The following LANCL3 variants were observed in gnomAD, a reference collection of about 807,000 sequenced individuals.
LANCL3 encodes LanC like family member 3.
In LANCL3, 19 loss-of-function variants were observed where a neutral mutation model predicts 26.5. That is an observed-to-expected ratio of 0.72 (90% CI 0.50 to 1.05). The LOEUF (loss-of-function observed/expected upper bound fraction) is 1.05, where lower values mean the gene tolerates loss of function less well. Ranked by LOEUF, LANCL3 falls within the 50% of genes least tolerant of loss-of-function variation. LANCL3 has a pLI of 0.00. For synonymous variants in LANCL3, 160 were observed against 166.6 expected, an observed-to-expected ratio of 0.96 and a Z score of 0.30; for missense variants, 318 against 362.7, an observed-to-expected ratio of 0.88 and a Z score of 1.00.
chrX:37,580,072 A>C (rs1272505864), intron 1 of LANCL3, among the ~76,000 whole-genome samples: 3 of 111,980 alleles, frequency 2.7e-5, no homozygotes, highest in Admixed American at 1.9e-4. Flanking sequence ...TTTGGATTTG[A>C]GCGGTTCCCA....
At chrX:37,655,604 C>A in intron 1 of LANCL3, 84 bp from the exon 2 acceptor site, 1 of 832,484 alleles carries the variant, frequency 1.2e-6, no homozygotes, top group Non-Finnish European at 1.7e-6. Context: ...GGATATGATG[C>A]TAGACTTCTT....
At chrX:37,664,125 A>G (rs781831756) in intron 3 of LANCL3, among the ~76,000 whole-genome samples, 4 of 111,833 alleles carry the variant, frequency 3.6e-5, no homozygotes, top group Non-Finnish European at 5.6e-5. Flanking sequence ...GGAACTGGGA[A>G]ATGAGGCACT....
At chrX:37,648,266 C>T (rs1317546571) in intron 1 of LANCL3, among the ~76,000 whole-genome samples, 1 of 112,405 alleles carries the variant, frequency 8.9e-6, no homozygotes, top group African/African-American at 3.2e-5. Context: ...TCCAGATATA[C>T]AGTGTTGTCA....
At chrX:37,673,335 ATTTTG>A (rs1188420122) in intron 4 of LANCL3, among the ~76,000 whole-genome samples, 1 of 109,151 alleles carries the variant, frequency 9.2e-6, no homozygotes, top group Non-Finnish European at 1.9e-5. Context: ...ACTTCCTTTT[ATTTTG>A]TTATGTTCTA....
intron 1 of LANCL3, 90 bp from the exon 2 acceptor site, chrX:37,655,598 A>G (rs1926263253): frequency 2.7e-6 from 2 of 743,419 alleles, no homozygotes. Flanking sequence ...TTCTGTGGAT[A>G]TGATGCTAGA....
intron 1 of LANCL3, among the ~76,000 whole-genome samples, chrX:37,585,935 C>T (rs878959451): frequency 1.6e-3 from 179 of 111,641 alleles, no homozygotes; most frequent in Non-Finnish European, 2.6e-3. Context: ...TGGCTGGTAC[C>T]GGTTGTTCCT....
intron 1 of LANCL3, among the ~76,000 whole-genome samples, chrX:37,630,662 G>A (rs782563544): frequency 9.1e-6 from 1 of 109,353 alleles, no homozygotes; most frequent in Non-Finnish European, 1.9e-5. Flanking sequence ...TAGCATGAAG[G>A]GTTGTTGAAT....
At chrX:37,652,652 T>G (rs782618008) in intron 1 of LANCL3, among the ~76,000 whole-genome samples, 142 of 112,541 alleles carry the variant, frequency 1.3e-3, no homozygotes, top group African/African-American at 4.5e-3. Context: ...GAAGGCCTGA[T>G]GGCCAGGGAG....
rs1556439033 is a variant in LANCL3, at chrX:37,683,732, A to G, written c.*7919A>G. 6 of 111,971 alleles carry G rather than the reference A, an allele frequency of 5.4e-5. No individual in the cohort carries two copies. The allele number at this position is 111,971 out of a possible 1,213,427, so 9.2% of individuals were successfully genotyped here. On this transcript the variant is annotated 3_prime_UTR_variant, in exon 5 of 5. Transcript: ENST00000378619. ...GCCAGATATTTTACTATATCACAAA[A>G]TGTCATACTACTGTATTTTATAATA... is the stretch of plus-strand genomic sequence containing the variant.
At chrX:37,605,379 A>G (rs1924680889) in intron 1 of LANCL3, among the ~76,000 whole-genome samples, 1 of 111,962 alleles carries the variant, frequency 8.9e-6, no homozygotes, top group South Asian at 3.8e-4. Context: ...AACTTCTGAG[A>G]TTTCCTTCTT....
intron 1 of LANCL3, among the ~76,000 whole-genome samples, chrX:37,586,544 A>G (rs782748629): frequency 4.1e-4 from 46 of 111,060 alleles, no homozygotes; most frequent in Non-Finnish European, 7.2e-4. Context: ...TATTGCATTC[A>G]TTTCATCTTC....
intron 1 of LANCL3, among the ~76,000 whole-genome samples, chrX:37,598,919 C>T (rs1556419753): frequency 8.9e-6 from 1 of 112,479 alleles, no homozygotes; most frequent in Non-Finnish European, 1.9e-5. Flanking sequence ...ACGAGAGTCA[C>T]GTCCTACTGC....
At chrX:37,619,164 C>T (rs1272961978) in intron 1 of LANCL3, among the ~76,000 whole-genome samples, 1 of 111,610 alleles carries the variant, frequency 9.0e-6, no homozygotes, top group Non-Finnish European at 1.9e-5. Context: ...ATAATTCAAT[C>T]TTGTGCATGG....
chrX:37,572,034 C>T lies in LANCL3; in HGVS notation c.164C>T (p.Thr55Met), dbSNP rs1602087033. Residue 55 changes from threonine to methionine, a missense_variant, in exon 1 of 5, where the codon ACG becomes ATG. Coordinates refer to ENST00000378619, the MANE Select transcript of LANCL3 (RefSeq NM_001170331.2). ...LGGGAEARGA[T>M]AGASACQGGL... ...GGCGGCGCGGAGGCCCGAGGGGCGA[C>T]GGCGGGGGCTAGCGCCTGCCAGGGG... 2 of 1,181,544 alleles carry T rather than the reference C, an allele frequency of 1.7e-6. No individual in the cohort carries two copies. Among genetic ancestry groups the T allele is most frequent in the Non-Finnish European group, 1.1e-6 (1 of 881,286 alleles).
chrX:37,583,700 G>C (rs1451464190), intron 1 of LANCL3, among the ~76,000 whole-genome samples: 1 of 112,224 alleles, frequency 8.9e-6, no homozygotes, highest in African/African-American at 3.2e-5. Context: ...TTGCTTATCA[G>C]CTTAAAGAGA....
chrX:37,659,711 C>A (rs781833775), intron 3 of LANCL3, 52 bp downstream of exon 3: 284 of 1,065,748 alleles, frequency 2.7e-4, no homozygotes, highest in Non-Finnish European at 3.6e-4. Flanking sequence ...AGGTTAGCCA[C>A]AGGGTGGTTC....
At chrX:37,669,973 C>T (rs1370714858) in intron 4 of LANCL3, among the ~76,000 whole-genome samples, 1 of 112,022 alleles carries the variant, frequency 8.9e-6, no homozygotes, top group Non-Finnish European at 1.9e-5. Flanking sequence ...ATGAATCTAT[C>T]TCATTTTTTA....
chrX:37,622,781 T>C (rs1925204297), intron 1 of LANCL3, among the ~76,000 whole-genome samples: 1 of 112,091 alleles, frequency 8.9e-6, no homozygotes, highest in Non-Finnish European at 1.9e-5. Flanking sequence ...TACTTTTAGG[T>C]ACAGCTTATG....
intron 3 of LANCL3, among the ~76,000 whole-genome samples, chrX:37,666,440 A>C (rs1273977536): frequency 1.8e-5 from 2 of 112,018 alleles, no homozygotes; most frequent in African/African-American, 6.5e-5. Context: ...TAGTCAAAGC[A>C]ATGAAAGGCA....
Sources: gnomAD v4.1 joint callset for allele counts (sites outside exome capture counted in the v4.1 genomes callset) on GRCh38, gnomAD v4.1.1 for gene constraint, MANE v1.5 for transcripts, NCBI Gene and HGNC (gene_info 2026-07-23, HGNC 2026-07-21) for gene names.